ERC2: variants seen among roughly 807,000 people sequenced by gnomAD.
ERC2 encodes the protein ERC protein 2.
Under a neutral mutation model 114.8 loss-of-function variants are expected in ERC2, and 42 were observed. That is an observed-to-expected ratio of 0.37 (90% confidence interval 0.29 to 0.47). The LOEUF is 0.47. Among genes scored for constraint, ERC2 ranks in the 20% least tolerant of loss-of-function variants. The probability of loss-of-function intolerance (pLI) is 0.99; values close to 1 mark genes in which losing one functional copy is unlikely to be tolerated. For missense variants in ERC2, 939 were observed against 1,150.7 expected (o/e 0.82, Z 2.66); for synonymous variants, 454 against 425.5 (o/e 1.07, Z -0.82).
intron 12 of ERC2, among the ~76,000 whole-genome samples, chr3:55,980,500 G>A (rs1406307000): frequency 6.6e-6 from 1 of 152,114 alleles, no homozygotes; most frequent in East Asian, 1.9e-4. Flanking sequence ...CTAGTATTGT[G>A]CATAATGAAG....
intron 14 of ERC2, among the ~76,000 whole-genome samples, chr3:55,872,894 G>A (rs1191486781): frequency 2.0e-5 from 3 of 152,172 alleles, no homozygotes; most frequent in Non-Finnish European, 4.4e-5. Flanking sequence ...GACAGATACA[G>A]GCTAGGACTA....
chr3:56,118,221 T>C (rs1227157225), intron 6 of ERC2, among the ~76,000 whole-genome samples: 1 of 152,206 alleles, frequency 6.6e-6, no homozygotes, highest in East Asian at 1.9e-4. Flanking sequence ...ATGCTAGACA[T>C]AGAGTAAATG....
chr3:55,837,193 G>A (rs2060929518), intron 14 of ERC2, among the ~76,000 whole-genome samples: 1 of 152,214 alleles, frequency 6.6e-6, no homozygotes, highest in African/African-American at 2.4e-5. Flanking sequence ...GGAAGTCAGT[G>A]TGGTGTTCCT....
chr3:56,466,659 AAGTTG>A (rs1177506037), intron 1 of ERC2, among the ~76,000 whole-genome samples: 1 of 152,194 alleles, frequency 6.6e-6, no homozygotes, highest in Non-Finnish European at 1.5e-5. Context: ...TCACTTCCAG[AAGTTG>A]AGTTAACTGT....
chr3:55,777,212 G>A (rs2068692749), intron 14 of ERC2, among the ~76,000 whole-genome samples: 1 of 152,216 alleles, frequency 6.6e-6, no homozygotes, highest in Non-Finnish European at 1.5e-5. Flanking sequence ...TCCAGTTAGT[G>A]CCAGGGACAT....
At chr3:56,246,268 G>A (rs1230534298) in intron 3 of ERC2, among the ~76,000 whole-genome samples, 1 of 151,910 alleles carries the variant, frequency 6.6e-6, no homozygotes, top group East Asian at 1.9e-4. Flanking sequence ...CCAGATAACC[G>A]TGTTGTCGAG....
At chr3:55,841,809 T>C (rs2061146325) in intron 14 of ERC2, among the ~76,000 whole-genome samples, 1 of 152,124 alleles carries the variant, frequency 6.6e-6, no homozygotes, top group Non-Finnish European at 1.5e-5. Flanking sequence ...AAACTGAAAC[T>C]CAAGGAAGGC....
chr3:56,436,441 G>C (rs1481473042), intron 1 of ERC2, among the ~76,000 whole-genome samples: 1 of 152,046 alleles, frequency 6.6e-6, no homozygotes, highest in Non-Finnish European at 1.5e-5. Flanking sequence ...AGTATACATG[G>C]GTATCTTTTA....
chr3:55,682,346 A>C (rs1266278735), intron 17 of ERC2, among the ~76,000 whole-genome samples: 15 of 152,124 alleles, frequency 9.9e-5, no homozygotes, highest in Non-Finnish European at 4.4e-5. Flanking sequence ...AAGAAAAGGG[A>C]GAAGAGATGA....
At chr3:55,628,478 T>C (rs564746955) in intron 17 of ERC2, among the ~76,000 whole-genome samples, 2 of 152,372 alleles carry the variant, frequency 1.3e-5, no homozygotes, top group South Asian at 4.1e-4. Flanking sequence ...CCATCTCATA[T>C]TATTTTTGTT....
intron 2 of ERC2, among the ~76,000 whole-genome samples, chr3:56,311,241 CT>C (rs1560570722): frequency 1.1e-4 from 2 of 18,324 alleles, no homozygotes; most frequent in East Asian, 1.9e-3. Context: ...TTCTCTCTCT[CT>C]CTCTCTCTCT....
intron 13 of ERC2, among the ~76,000 whole-genome samples, chr3:55,934,053 A>G (rs768658437): frequency 1.3e-5 from 2 of 152,128 alleles, no homozygotes; most frequent in Admixed American, 1.3e-4. Context: ...AGAAAATAAA[A>G]CCATTTGAAA....
At chr3:55,548,337 C>T (rs755727335) in intron 17 of ERC2, among the ~76,000 whole-genome samples, 29 of 152,332 alleles carry the variant, frequency 1.9e-4, no homozygotes, top group African/African-American at 3.6e-4. Flanking sequence ...TTAAATAAAT[C>T]ATTTTGGAAT....
intron 10 of ERC2, among the ~76,000 whole-genome samples, chr3:55,992,784 A>G (rs1310687411): frequency 6.6e-6 from 1 of 152,230 alleles, no homozygotes; most frequent in South Asian, 2.1e-4. Context: ...TCAGCAGGAA[A>G]TATAGTTTGA....
chr3:56,262,930 C>T (rs1251507684), intron 3 of ERC2, among the ~76,000 whole-genome samples: 1 of 152,174 alleles, frequency 6.6e-6, no homozygotes, highest in African/African-American at 2.4e-5. Context: ...CAAGCCAATT[C>T]ACCTAGAGCA....
intron 3 of ERC2, among the ~76,000 whole-genome samples, chr3:56,276,047 T>A (rs867175645): frequency 6.6e-5 from 10 of 152,294 alleles, no homozygotes; most frequent in African/African-American, 1.7e-4. Flanking sequence ...GAGTTAAAGG[T>A]AGCTCTAGTA....
At chr3:55,861,775 C>T (rs1325491760) in intron 14 of ERC2, among the ~76,000 whole-genome samples, 1 of 152,204 alleles carries the variant, frequency 6.6e-6, no homozygotes, top group Non-Finnish European at 1.5e-5. Context: ...GGCATCTCAG[C>T]CCTCCCCCAC....
chr3:56,444,206 C>T (rs947552900), intron 1 of ERC2, among the ~76,000 whole-genome samples: 10 of 151,248 alleles, frequency 6.6e-5, no homozygotes, highest in African/African-American at 1.9e-4. Context: ...CTCCTGACCT[C>T]GTGATCTGCT....
At chr3:56,221,548 G>A (rs2049912623) in intron 3 of ERC2, among the ~76,000 whole-genome samples, 2 of 152,152 alleles carry the variant, frequency 1.3e-5, no homozygotes, top group African/African-American at 4.8e-5. Context: ...CTTGCCCAAA[G>A]CCACACTCAA....
Sources: gnomAD v4.1 joint callset for allele counts (sites outside exome capture counted in the v4.1 genomes callset) on GRCh38, gnomAD v4.1.1 for gene constraint, MANE v1.5 for transcripts, NCBI Gene and HGNC (gene_info 2026-07-23, HGNC 2026-07-21) for gene names.